The following AARS1 variants were observed in gnomAD, a reference collection of about 807,000 sequenced individuals.
The protein encoded by AARS1 is alanyl-tRNA synthetase 1.
A neutral mutation model predicts 108.9 loss-of-function variants in AARS1; 72 were observed. The ratio of observed to expected loss-of-function variants is 0.66; its 90% CI spans 0.55 to 0.80. The LOEUF is 0.80. Among genes scored for constraint, AARS1 ranks in the 30% least tolerant of loss-of-function variants. The pLI is 0.00. For synonymous variants in AARS1, 489 were observed against 465.7 expected (o/e 1.05, Z -0.64); for missense variants, 1,193 against 1,233.2 (o/e 0.97, Z 0.49).
In AARS1 at chr16:70,253,376, C is replaced by T; in HGVS notation, c.2613G>A (p.Leu871=). The T allele has an allele frequency of 1.2e-6, 2 of 1,613,618 alleles. No homozygotes were observed. Among genetic ancestry groups the T allele is most frequent in the African/African-American group, 1.3e-5 (1 of 75,030 alleles). The change falls in exon 20 of 21, where the codon CTG becomes CTA. Residue 871 remains leucine (L), a synonymous_variant. Coordinates refer to ENST00000261772, the MANE Select transcript of AARS1 (RefSeq NM_001605.3). ...TCTTGAAGAGCTTCAAGGCTTCATT[C>T]AGGGCCTGTGGGGAGGACCTGGCTC... The part of the protein sequence containing the change: ...EMESGASAKA[L]NEALKLFKMH...
At chr16:70,265,183 G>T in intron 10 of AARS1, 81 bp from the exon 11 acceptor site, 1 of 1,555,018 alleles carries the variant, frequency 6.4e-7, no homozygotes, top group Non-Finnish European at 8.9e-7. Flanking sequence ...GCTAAACTAT[G>T]CCCAGCATAA....
Position 70,268,371 on chromosome 16 carries a change from A to G in AARS1, c.971T>C (p.Leu324Ser), listed in dbSNP as rs1960316846. The G allele has an allele frequency of 1.9e-6, 3 of 1,614,126 alleles. No homozygotes were observed. The highest frequency in any genetic ancestry group is 8.5e-7 in the Non-Finnish European group (1 of 1,179,956). Residue 324 changes from leucine to serine, a missense_variant, in exon 8 of 21, where the codon TTG becomes TCG. Transcript: ENST00000261772. ...RPDNTGRGYV[L>S]RRILRRAVRY... ...GACAGCTCGGCGGAGAATCCGTCTC[A>G]ACACATATCTGTAAGAGGCAAAAAC... is the stretch of plus-strand genomic sequence containing the variant.
intron 5 of AARS1, 141 bp from the exon 6 acceptor site, chr16:70,270,481 A>AG: frequency 2.0e-6 from 2 of 988,322 alleles, no homozygotes; most frequent in Non-Finnish European, 3.1e-6. Context: ...GGAAGAGGGA[A>AG]GTGGAGGGAG....
chr16:70,266,104 G>C (rs1254104747), intron 9 of AARS1, among the ~76,000 whole-genome samples: 1 of 152,172 alleles, frequency 6.6e-6, no homozygotes, highest in Non-Finnish European at 1.5e-5. Context: ...AGGAGGTCAG[G>C]AGATCGAGAC....
intron 12 of AARS1, among the ~76,000 whole-genome samples, chr16:70,261,671 AT>A (rs11385686): frequency 8.5e-4 from 112 of 131,758 alleles, no homozygotes; most frequent in Non-Finnish European, 8.2e-4. Context: ...GCATCTTAGA[AT>A]TTTTTTTTTT....
rs1057151345 is a variant in AARS1 at position 70,289,409 on chromosome 16, A to T, written c.-22+12T>A. 2.6e-6 allele frequency: 1 copy of T among 382,036 alleles called. No homozygotes were observed. Among genetic ancestry groups the T allele is most frequent in the Non-Finnish European group, 5.2e-6 (1 of 190,590 alleles). The allele number at this position is 382,036 out of a possible 1,614,324, so 23.7% of individuals were successfully genotyped here. A position where few individuals can be genotyped will look rare whatever the true frequency, so the allele number is the denominator to read the frequency against. On this transcript the variant is annotated intron_variant, in intron 1 of 20. Coordinates refer to ENST00000261772, the MANE Select transcript of AARS1 (RefSeq NM_001605.3). Reference sequence around the variant, plus strand: ...TCTCCTAGCACCGCAGAGCTCTCCGAGGGCGGCCTACCTCTCCTAGGGTCG... The same window carrying T: ...TCTCCTAGCACCGCAGAGCTCTCCGTGGGCGGCCTACCTCTCCTAGGGTCG...
intron 5 of AARS1, 117 bp downstream of exon 5, chr16:70,271,664 C>T: frequency 1.9e-6 from 2 of 1,034,516 alleles, no homozygotes; most frequent in Non-Finnish European, 2.9e-6. Context: ...AGAGATCAGA[C>T]AGGTAATCTG....
In AARS1 at chr16:70,252,396, A is replaced by T. The variant is rs936099482; in HGVS notation, c.*325T>A. 14 of 436,342 alleles carry T rather than the reference A, an allele frequency of 3.2e-5. No homozygotes were observed. Among genetic ancestry groups the T allele is most frequent in the African/African-American group, 2.6e-4 (13 of 50,174 alleles). 27.0% of individuals were successfully genotyped at this position (436,342 alleles called of 1,614,324 possible). ...GAGATCATGCGGCATTAAGTATTGCACGTGGTCCTTTTATTCTCTGCAGCA... is the reference window on the plus strand; with the variant it reads ...GAGATCATGCGGCATTAAGTATTGCTCGTGGTCCTTTTATTCTCTGCAGCA... On this transcript the variant is annotated 3_prime_UTR_variant, in exon 21 of 21. Transcript: ENST00000261772.
intron 2 of AARS1, 131 bp downstream of exon 2, chr16:70,282,489 A>C (rs935874729): frequency 1.8e-6 from 2 of 1,126,558 alleles, no homozygotes; most frequent in Non-Finnish European, 2.6e-6. Context: ...GAGGCCCATC[A>C]CATAAAGTTT....
intron 8 of AARS1, 118 bp downstream of exon 8, chr16:70,268,153 G>A: frequency 1.0e-6 from 1 of 961,054 alleles, no homozygotes; most frequent in South Asian, 1.4e-5. Context: ...GGGTGACAGA[G>A]TGAGACTCCG....
At chr16:70,265,411 G>A in intron 10 of AARS1, 127 bp downstream of exon 10, 1 of 1,445,246 alleles carries the variant, frequency 6.9e-7, no homozygotes. Flanking sequence ...CCCCACTTGA[G>A]AACCACTGAT....
intron 7 of AARS1, among the ~76,000 whole-genome samples, chr16:70,269,129 G>C (rs989205409): frequency 2.0e-5 from 3 of 151,846 alleles, no homozygotes; most frequent in African/African-American, 7.3e-5. Flanking sequence ...TTTGAGACCA[G>C]CCTGACCAAC....
chr16:70,258,299 A>C, intron 14 of AARS1, 82 bp from the exon 15 acceptor site: 1 of 1,480,320 alleles, frequency 6.8e-7, no homozygotes, highest in Non-Finnish European at 9.2e-7. Context: ...ATGGTCCTGC[A>C]GGCAGGACTC....
intron 11 of AARS1, 137 bp from the exon 12 acceptor site, chr16:70,262,661 T>A: frequency 1.0e-6 from 1 of 956,718 alleles, no homozygotes. Context: ...GGAAGCAAAC[T>A]CATTAGACAA....
chr16:70,253,314 AC>A lies in AARS1; in HGVS notation c.2674del (p.Val892TrpfsTer23). On this transcript the variant is annotated frameshift_variant, in exon 20 of 21. Coordinates refer to ENST00000261772, the MANE Select transcript of AARS1 (RefSeq NM_001605.3). LOFTEE classifies it high-confidence loss of function. ...CGTGATCTTGCCAGCCTCATTGTCC[AC>A]CGTGAAGAGCATGGCAGAAGTCTGA... ...SPQTSAMLFT[V>X]DNEAGKITCL... 6.2e-7 allele frequency: 1 copy of A among 1,614,176 alleles called. No homozygotes were observed. The highest frequency in any genetic ancestry group is 1.6e-4 in the Middle Eastern group (1 of 6,062).
At chr16:70,271,169 C>T (rs1041267371) in intron 5 of AARS1, among the ~76,000 whole-genome samples, 12 of 151,464 alleles carry the variant, frequency 7.9e-5, no homozygotes, top group African/African-American at 2.4e-4. Context: ...AGCAAGACTC[C>T]ATCTCCAAAA....
intron 15 of AARS1, among the ~76,000 whole-genome samples, chr16:70,256,854 C>T (rs951551300): frequency 1.3e-5 from 2 of 152,058 alleles, no homozygotes; most frequent in Non-Finnish European, 2.9e-5. Flanking sequence ...GTGGCTCACA[C>T]CTGTAATCTC....
chr16:70,282,669 A>G lies in AARS1; in HGVS notation c.95T>C (p.Ile32Thr), dbSNP rs751721557. Residue 32 changes from isoleucine to threonine, a missense_variant, in exon 2 of 21, where the codon ATC becomes ACC. Ile to Thr is a moderately conservative substitution (Grantham distance 89). Transcript: ENST00000261772. ...EHTYVHSSAT[I>T]PLDDPTLLFA... ...GAGCAAAGTGGGGTCATCCAATGGG[A>G]TGGTGGCAGACGAGTGAACATACGT... is the stretch of plus-strand genomic sequence containing the variant. The G allele has an allele frequency of 2.7e-5, 44 of 1,614,094 alleles. No individual in the cohort carries two copies. Among genetic ancestry groups the G allele is most frequent in the Non-Finnish European group, 3.4e-6 (4 of 1,180,056 alleles).
At position 70,252,709 on chromosome 16, in the gene AARS1, C is replaced by G. The variant is rs763245293; in HGVS notation, c.*12G>C. 1.6e-5 allele frequency: 26 copies of G among 1,613,550 alleles called. No homozygotes were observed. In the Middle Eastern group the frequency reaches 5.0e-4, roughly 31 times the overall value. Reference sequence around the variant, plus strand: ...GACGGATGGATCCAGTGGGAGCCTCCTCCTTCCCCACTCAGTTCTTTACAT... The same window carrying G: ...GACGGATGGATCCAGTGGGAGCCTCGTCCTTCCCCACTCAGTTCTTTACAT... On this transcript the variant is annotated 3_prime_UTR_variant, in exon 21 of 21. Transcript: ENST00000261772.
Sources: allele counts gnomAD v4.1 joint callset (sites outside exome capture counted in the v4.1 genomes callset), GRCh38; gene constraint gnomAD v4.1.1; transcripts MANE v1.5; gene names NCBI Gene and HGNC (gene_info 2026-07-23, HGNC 2026-07-21).